LGALS3: variants seen among roughly 807,000 people sequenced by gnomAD.
LGALS3 encodes the protein galectin-3.
In LGALS3, 18 loss-of-function variants were observed where a neutral mutation model predicts 20.7. That is an observed-to-expected ratio of 0.87 (90% confidence interval 0.60 to 1.29). LGALS3 has a LOEUF of 1.29. Ranked by LOEUF, LGALS3 falls within the 50% of genes most tolerant of loss-of-function variation. The pLI, the probability that LGALS3 is intolerant of heterozygous loss-of-function variation, is 0.00. For synonymous variants in LGALS3, 112 were observed against 119.6 expected, an observed-to-expected ratio of 0.94 and a Z score of 0.42; for missense variants, 315 against 314.7, an observed-to-expected ratio of 1.00 and a Z score of -0.01.
chr14:55,131,333 C>A (rs1479945408), intron 1 of LGALS3, among the ~76,000 whole-genome samples: 1 of 152,194 alleles, frequency 6.6e-6, no homozygotes, highest in African/African-American at 2.4e-5. Context: ...TGCATAGGTG[C>A]TTTACAAAGA....
At chr14:55,145,003 T>G in intron 5 of LGALS3, 113 bp from the exon 6 acceptor site, 1 of 840,634 alleles carries the variant, frequency 1.2e-6, no homozygotes. Flanking sequence ...TTATTTCAGT[T>G]GACAAAAAAT....
At chr14:55,130,927 G>C (rs923695835) in intron 1 of LGALS3, among the ~76,000 whole-genome samples, 3 of 152,160 alleles carry the variant, frequency 2.0e-5, no homozygotes, top group African/African-American at 7.2e-5. Context: ...TCCATAAAAG[G>C]TAAAGTTGAA....
At chr14:55,132,118 T>C (rs1034779119) in intron 1 of LGALS3, among the ~76,000 whole-genome samples, 1 of 152,216 alleles carries the variant, frequency 6.6e-6, no homozygotes, top group Non-Finnish European at 1.5e-5. Context: ...TAGAATAGCA[T>C]AGTGCAGCGG....
intron 1 of LGALS3, among the ~76,000 whole-genome samples, chr14:55,131,566 T>C (rs917700225): frequency 2.6e-5 from 4 of 152,228 alleles, no homozygotes; most frequent in Non-Finnish European, 5.9e-5. Context: ...TAGCTCTTCT[T>C]TCCTGTGATC....
intron 5 of LGALS3, chr14:55,143,324 A>C (rs1342449249): frequency 8.2e-6 from 2 of 244,400 alleles, no homozygotes; most frequent in African/African-American, 2.4e-5. Context: ...GTGGTGAATA[A>C]AACAGCTGGA....
intron 1 of LGALS3, among the ~76,000 whole-genome samples, chr14:55,134,395 G>T (rs372411198): frequency 1.3e-5 from 2 of 152,314 alleles, no homozygotes; most frequent in East Asian, 3.9e-4. Flanking sequence ...ACATTTAAAA[G>T]AAATCAAAAT....
intron 1 of LGALS3, among the ~76,000 whole-genome samples, chr14:55,132,865 C>A (rs954545125): frequency 6.6e-6 from 1 of 152,166 alleles, no homozygotes; most frequent in African/African-American, 2.4e-5. Flanking sequence ...CTGCACTCGG[C>A]CTATAATGCT....
intron 2 of LGALS3, 103 bp downstream of exon 2, chr14:55,137,494 G>T (rs964928758): frequency 1.9e-6 from 3 of 1,611,866 alleles, no homozygotes; most frequent in African/African-American, 2.7e-5. Flanking sequence ...CTCCCACTGC[G>T]TGGCTTCCCC....
intron 3 of LGALS3, among the ~76,000 whole-genome samples, chr14:55,138,958 T>C (rs1036950687): frequency 1.3e-5 from 2 of 152,242 alleles, no homozygotes; most frequent in African/African-American, 4.8e-5. Flanking sequence ...GGATCCTTCC[T>C]TTCCAGATTT....
chr14:55,140,835 G>A (rs1385796164), intron 4 of LGALS3, among the ~76,000 whole-genome samples: 2 of 152,056 alleles, frequency 1.3e-5, no homozygotes, highest in African/African-American at 2.4e-5. Context: ...ATTGGAAGTA[G>A]TTTGATTGAT....
intron 4 of LGALS3, among the ~76,000 whole-genome samples, chr14:55,141,674 A>C (rs1245551176): frequency 1.3e-5 from 2 of 152,232 alleles, no homozygotes; most frequent in Non-Finnish European, 2.9e-5. Flanking sequence ...AAAGTGCTTA[A>C]GGTGACAGAG....
chr14:55,142,915 G>T (rs1284666772), intron 5 of LGALS3, among the ~76,000 whole-genome samples, 166 bp downstream of exon 5: 1 of 152,134 alleles, frequency 6.6e-6, no homozygotes, highest in Non-Finnish European at 1.5e-5. Context: ...CTGAGAACAT[G>T]GCCAGGAGTG....
rs572506221 is a variant in LGALS3 at position 55,141,038 on chromosome 14, G to T, written c.431+675G>T. Among the ~76,000 whole-genome samples the T allele has an allele frequency of 3.3e-5, 5 of 152,254 alleles. No homozygotes were observed. The South Asian group carries it at 1.0e-3, about 32-fold the overall frequency. ...AGTGGAACTGTCTCTAGGTCTTATGGACAGTACCTAAATGGCACAAATTCA... is the reference window on the plus strand; with the variant it reads ...AGTGGAACTGTCTCTAGGTCTTATGTACAGTACCTAAATGGCACAAATTCA... On this transcript the variant is annotated intron_variant, in intron 4 of 5. Transcript: ENST00000254301.
At chr14:55,132,134 T>TA (rs1456457384) in intron 1 of LGALS3, among the ~76,000 whole-genome samples, 1 of 152,232 alleles carries the variant, frequency 6.6e-6, no homozygotes, top group African/African-American at 2.4e-5. Context: ...AGCGGATAGC[T>TA]ACTCTTTGTT....
At chr14:55,141,616 CTG>C (rs1718718006) in intron 4 of LGALS3, among the ~76,000 whole-genome samples, 1 of 152,178 alleles carries the variant, frequency 6.6e-6, no homozygotes, top group East Asian at 1.9e-4. Context: ...TTAAAAAAAA[CTG>C]TTGCTTAGTC....
At chr14:55,139,801 A>G (rs1363537795) in intron 3 of LGALS3, among the ~76,000 whole-genome samples, 6 of 152,250 alleles carry the variant, frequency 3.9e-5, no homozygotes, top group African/African-American at 9.6e-5. Context: ...AACAGTGTTC[A>G]TTCCATAAAT....
Position 55,140,363 on chromosome 14 carries a change from G to A in LGALS3, c.431G>A (p.Arg144Lys), listed in dbSNP as rs374133862. ...ILGTVKPNAN[R>K]IALDFQRGND... ...GGCACGGTGAAGCCCAATGCAAACA[G>A]GTAAGGAGAGCAAAATTAACAAGTC... Residue 144 changes from arginine (R) to lysine (K), a missense_variant and splice_region_variant, in exon 4 of 6, where the codon AGA becomes AAA. By Grantham distance (26) the Arg-to-Lys change is conservative. Coordinates refer to ENST00000254301, the MANE Select transcript of LGALS3 (RefSeq NM_002306.4). The A allele has an allele frequency of 3.7e-6, 6 of 1,600,650 alleles. No individual in the cohort carries two copies. Among genetic ancestry groups the A allele is most frequent in the East Asian group, 2.2e-5 (1 of 44,778 alleles).
At chr14:55,130,811 T>G in intron 1 of LGALS3, among the ~76,000 whole-genome samples, 1 of 146,630 alleles carries the variant, frequency 6.8e-6, no homozygotes, top group East Asian at 2.0e-4. Flanking sequence ...CGACCTCAGG[T>G]GACCCGCCTG....
At chr14:55,135,626 G>T (rs1881371064) in intron 1 of LGALS3, among the ~76,000 whole-genome samples, 1 of 140,828 alleles carries the variant, frequency 7.1e-6, no homozygotes. Context: ...GTGCAGTGGT[G>T]CCATCACAGC....
Sources: allele counts gnomAD v4.1 joint callset (sites outside exome capture counted in the v4.1 genomes callset), GRCh38; gene constraint gnomAD v4.1.1; transcripts MANE v1.5; gene names NCBI Gene and HGNC (gene_info 2026-07-23, HGNC 2026-07-21).